Variants in CNTNAP2 observed in about 807,000 individuals in gnomAD.
CNTNAP2 encodes the protein contactin associated protein 2, also known as contactin-associated protein-like 2.
In CNTNAP2, 98 loss-of-function variants were observed where a neutral mutation model predicts 155.2. That is an observed-to-expected ratio of 0.63 (90% CI 0.54 to 0.75). CNTNAP2 has a LOEUF of 0.75. Ranked by LOEUF, CNTNAP2 falls within the 30% of genes least tolerant of loss-of-function variation. The pLI, the probability that CNTNAP2 is intolerant of heterozygous loss-of-function variation, is 0.00. For synonymous variants in CNTNAP2, 651 were observed against 631.2 expected (o/e 1.03, Z -0.47); for missense variants, 1,727 against 1,688.1 (o/e 1.02, Z -0.40).
chr7:146,653,303 G>T (rs1315674266), intron 1 of CNTNAP2, among the ~76,000 whole-genome samples: 4 of 152,080 alleles, frequency 2.6e-5, no homozygotes, highest in Non-Finnish European at 5.9e-5. Context: ...TTTACTGATA[G>T]TCATTGTAGT....
intron 10 of CNTNAP2, among the ~76,000 whole-genome samples, chr7:147,480,669 T>C (rs1798405229): frequency 6.6e-6 from 1 of 152,328 alleles, no homozygotes; most frequent in East Asian, 1.9e-4. Context: ...GAGAAATGAC[T>C]GAACAGATCG....
chr7:146,717,561 A>G (rs1801212879), intron 1 of CNTNAP2, among the ~76,000 whole-genome samples: 1 of 152,034 alleles, frequency 6.6e-6, no homozygotes, highest in African/African-American at 2.4e-5. Flanking sequence ...ATTTCAAATA[A>G]GCTGCTTAAT....
rs28675034 is a variant in CNTNAP2, at chr7:148,073,319, G to A, written c.2384-44799G>A. Among the ~76,000 whole-genome samples the A allele has an allele frequency of 9.4e-3, 1,431 of 152,220 alleles. 29 individuals carry two copies. The highest frequency in any genetic ancestry group is 0.032 in the African/African-American group (1,350 of 41,544). On this transcript the variant is annotated intron_variant, in intron 15 of 23. Transcript: ENST00000361727. ...TACCGTGGTCTTCCCCTTACCTACAGTTTCATTTTCTGTGGTTTCAGTTAC... is the reference window on the plus strand; with the variant it reads ...TACCGTGGTCTTCCCCTTACCTACAATTTCATTTTCTGTGGTTTCAGTTAC...
chr7:146,430,981 A>G (rs936529148), intron 1 of CNTNAP2, among the ~76,000 whole-genome samples: 1 of 152,056 alleles, frequency 6.6e-6, no homozygotes, highest in East Asian at 1.9e-4. Flanking sequence ...GAAGTATTTC[A>G]TAAGGCTCCT....
intron 1 of CNTNAP2, among the ~76,000 whole-genome samples, chr7:146,604,162 C>G (rs347188): frequency 0.072 from 3,223 of 44,870 alleles, 32 homozygotes; most frequent in Middle Eastern, 0.096. Flanking sequence ...GAAAATTTTC[C>G]CAACCTACTC....
chr7:147,452,707 T>A (rs892960297), intron 10 of CNTNAP2, among the ~76,000 whole-genome samples: 4 of 152,180 alleles, frequency 2.6e-5, no homozygotes, highest in African/African-American at 9.7e-5. Flanking sequence ...CTAATATATA[T>A]ATCAGTCATT....
rs910008382 is a variant in CNTNAP2 at position 146,892,815 on chromosome 7, A to C, written c.402+52911A>C. ...TACTATATCAGTTCTTTAATGATTT[A>C]TTTTTTACATTCAAATGATTCAATG... On this transcript the variant is annotated intron_variant, in intron 3 of 23. Coordinates refer to ENST00000361727, the MANE Select transcript of CNTNAP2 (RefSeq NM_014141.6). 2.2e-4 allele frequency among the ~76,000 whole-genome samples: 33 copies of C among 152,272 alleles called. 2 individuals are homozygous for C. In the East Asian group the frequency reaches 4.1e-3, roughly 19 times the overall value.
intron 3 of CNTNAP2, among the ~76,000 whole-genome samples, chr7:146,962,325 A>G (rs1019847575): frequency 2.0e-5 from 3 of 152,164 alleles, no homozygotes; most frequent in African/African-American, 7.2e-5. Flanking sequence ...ACTGCTGCCG[A>G]TCTTTACTGT....
chr7:146,723,988 T>C (rs1184071140), intron 1 of CNTNAP2, among the ~76,000 whole-genome samples: 8 of 152,172 alleles, frequency 5.3e-5, no homozygotes, highest in Non-Finnish European at 8.8e-5. Context: ...TGTGCACTCG[T>C]TGGGACATAC....
intron 22 of CNTNAP2, among the ~76,000 whole-genome samples, chr7:148,385,736 GTTTTTTT>G (rs398006728): frequency 5.2e-4 from 50 of 95,326 alleles, no homozygotes; most frequent in Admixed American, 7.9e-4. Context: ...AGTGTGACAG[GTTTTTTT>G]TTTTTTTTTT....
chr7:147,104,873 C>CATATATATAT (rs56674675), intron 4 of CNTNAP2, among the ~76,000 whole-genome samples: 6 of 101,410 alleles, frequency 5.9e-5, no homozygotes, highest in East Asian at 6.9e-4. Context: ...CTTCCTCCCT[C>CATATATATAT]ATATATATAT....
chr7:146,762,303 G>T (rs1168738837), intron 1 of CNTNAP2, among the ~76,000 whole-genome samples: 1 of 151,990 alleles, frequency 6.6e-6, no homozygotes, highest in African/African-American at 2.4e-5. Flanking sequence ...CTGAAGCCCA[G>T]TTCCTAAGAA....
At chr7:147,137,030 C>T (rs1270438091) in intron 8 of CNTNAP2, among the ~76,000 whole-genome samples, 1 of 151,604 alleles carries the variant, frequency 6.6e-6, no homozygotes, top group Non-Finnish European at 1.5e-5. Flanking sequence ...TTATTAGAAG[C>T]CTTAAAAGAT....
At chr7:148,279,302 G>A (rs571995451) in intron 21 of CNTNAP2, among the ~76,000 whole-genome samples, 4 of 152,176 alleles carry the variant, frequency 2.6e-5, no homozygotes, top group Admixed American at 6.5e-5. Context: ...TTAGAGGCAC[G>A]TGCACCAACG....
At chr7:147,482,928 C>A (rs991965448) in intron 10 of CNTNAP2, among the ~76,000 whole-genome samples, 1 of 151,212 alleles carries the variant, frequency 6.6e-6, no homozygotes, top group Non-Finnish European at 1.5e-5. Flanking sequence ...CACCTGTAAT[C>A]CCAGCTACTT....
intron 15 of CNTNAP2, among the ~76,000 whole-genome samples, chr7:148,080,450 A>G (rs1434940394): frequency 6.6e-6 from 1 of 151,812 alleles, no homozygotes; most frequent in Non-Finnish European, 1.5e-5. Flanking sequence ...CTAAAAATAC[A>G]ACAAAATTAG....
In CNTNAP2 at chr7:148,147,651, C is replaced by A. The variant is rs771064683; in HGVS notation, c.2715C>A (p.Ile905=). 5.0e-6 allele frequency: 8 copies of A among 1,613,980 alleles called. No homozygotes were observed. In the East Asian group the frequency reaches 1.8e-4, roughly 36 times the overall value. Reference sequence around the variant, plus strand: ...AGGTGGACCGGCTACCGCAGCAGATCCGCAAGGCCCCAACAGAAGGCCACA... The same window carrying A: ...AGGTGGACCGGCTACCGCAGCAGATACGCAAGGCCCCAACAGAAGGCCACA... ...SLQVDRLPQQ[I]RKAPTEGHTR... Residue 905 remains isoleucine (I), a synonymous_variant, in exon 17 of 24, where the codon ATC becomes ATA. Transcript: ENST00000361727.
intron 2 of CNTNAP2, among the ~76,000 whole-genome samples, chr7:146,823,242 T>G (rs1026091972): frequency 1.3e-5 from 2 of 150,230 alleles, no homozygotes; most frequent in Non-Finnish European, 1.5e-5. Flanking sequence ...TCAGTATATT[T>G]AAATGTAAAT....
At chr7:146,445,541 T>C (rs1255008770) in intron 1 of CNTNAP2, among the ~76,000 whole-genome samples, 1 of 152,148 alleles carries the variant, frequency 6.6e-6, no homozygotes, top group African/African-American at 2.4e-5. Flanking sequence ...ATTTTAAAAT[T>C]GTTCAAAACA....
Sources: allele counts gnomAD v4.1 joint callset (sites outside exome capture counted in the v4.1 genomes callset), GRCh38; gene constraint gnomAD v4.1.1; transcripts MANE v1.5; gene names NCBI Gene and HGNC (gene_info 2026-07-23, HGNC 2026-07-21).